Variants in SNX20 observed in about 807,000 individuals in gnomAD.
SNX20 encodes sorting nexin-20.
A neutral mutation model predicts 24.5 loss-of-function variants in SNX20; 21 were observed. That is an observed-to-expected ratio of 0.86 (90% confidence interval 0.61 to 1.23). SNX20 has a LOEUF of 1.23. Ranked by LOEUF, SNX20 falls within the 50% of genes most tolerant of loss-of-function variation. SNX20 has a pLI of 0.00. For missense variants in SNX20, 433 were observed against 430.8 expected, an observed-to-expected ratio of 1.00 and a Z score of -0.04; for synonymous variants, 206 against 192.8, an observed-to-expected ratio of 1.07 and a Z score of -0.57.
At chr16:50,680,935 T>C (rs1401839367) in intron 1 of SNX20, among the ~76,000 whole-genome samples, 1 of 152,166 alleles carries the variant, frequency 6.6e-6, no homozygotes, top group Non-Finnish European at 1.5e-5. Context: ...GAAACACAGG[T>C]GTGGTGACTT....
intron 1 of SNX20, among the ~76,000 whole-genome samples, chr16:50,679,404 C>T (rs78722695): frequency 0.018 from 2,676 of 152,254 alleles, 61 homozygotes; most frequent in East Asian, 0.11. Context: ...CTTGCTGTGT[C>T]GGGTGAAAGG....
rs773425123 is a variant in SNX20 at position 50,673,817 on chromosome 16, G to A, written c.540C>T (p.Phe180=). ...AIRCVRRSRE[F]LDFLTRPELR... is the part of the protein sequence containing the mutation. ...GCTCCGGCCGCGTGAGGAAGTCCAGGAACTCCCGGGAGCGGCGCACGCAGC... is the reference window on the plus strand; with the variant it reads ...GCTCCGGCCGCGTGAGGAAGTCCAGAAACTCCCGGGAGCGGCGCACGCAGC... Residue 180 remains phenylalanine (F), a synonymous_variant, in exon 4 of 4, where the codon TTC becomes TTT. Transcript: ENST00000330943. The surrounding 1 kb of genome is among the most constrained non-coding windows in gnomAD (Gnocchi z 4.1). 2.5e-6 allele frequency: 4 copies of A among 1,595,092 alleles called. No individual in the cohort carries two copies. The highest frequency in any genetic ancestry group is 3.4e-6 in the Non-Finnish European group (4 of 1,175,862).
intron 1 of SNX20, 144 bp from the exon 2 acceptor site, chr16:50,677,679 C>T: frequency 2.2e-6 from 2 of 921,802 alleles, no homozygotes; most frequent in Non-Finnish European, 3.0e-6. Flanking sequence ...TCCCCACTCT[C>T]CCAGCTGCCA....
chr16:50,670,195 G>A (rs1289499951), downstream of SNX20: 1 of 152,348 alleles, frequency 6.6e-6, no homozygotes, highest in Non-Finnish European at 1.5e-5. Flanking sequence ...GCACCTGTAT[G>A]GTAGAGGGCC....
Position 50,673,589 on chromosome 16 carries a change from G to A in SNX20, c.768C>T (p.Arg256=), listed in dbSNP as rs1376000506. 6 of 1,589,128 alleles carry A rather than the reference G, an allele frequency of 3.8e-6. No homozygotes were observed. Among genetic ancestry groups the A allele is most frequent in the African/African-American group, 2.7e-5 (2 of 72,868 alleles). The change falls in exon 4 of 4, where the codon CGC becomes CGT. Residue 256 remains arginine, a synonymous_variant. Coordinates refer to ENST00000330943, the MANE Select transcript of SNX20 (RefSeq NM_182854.4). The surrounding 1 kb of genome is among the most constrained non-coding windows in gnomAD (Gnocchi z 4.1). ...AGCGATGGCCCTCCCGGGCCTGCAG[G>A]CGCTGCAGGGCCCTCTCTCCGGCCG... The part of the protein sequence containing the change: ...AFAAGERALQ[R]LQAREGHRYY...
Position 50,674,039 on chromosome 16 carries a change from A to G in SNX20, c.318T>C (p.Phe106=), listed in dbSNP as rs1340436923. ...GTTCCAGGACGGCCTTGTTGTTGTC[A>G]AAGCTCCCAGTCTGGATGACGATGA... ...YQIIVIQTGS[F]DNNKAVLERR... Residue 106 remains phenylalanine (F), a synonymous_variant, in exon 4 of 4, where the codon TTT becomes TTC. Coordinates refer to ENST00000330943, the MANE Select transcript of SNX20 (RefSeq NM_182854.4). 1.2e-6 allele frequency: 2 copies of G among 1,608,518 alleles called. No homozygotes were observed. The highest frequency in any genetic ancestry group is 4.5e-5 in the East Asian group (2 of 44,374).
chr16:50,675,501 A>G (rs1483047538), intron 3 of SNX20, among the ~76,000 whole-genome samples: 3 of 152,250 alleles, frequency 2.0e-5, no homozygotes, highest in Non-Finnish European at 4.4e-5. Context: ...GAAAGGACAC[A>G]GGTGACTGAC....
Position 50,673,298 on chromosome 16 carries a change from CA to C in SNX20, c.*107del, listed in dbSNP as rs1203809150. 2 of 1,394,344 alleles carry C rather than the reference CA, an allele frequency of 1.4e-6. No homozygotes were observed. The allele number at this position is 1,394,344 out of a possible 1,614,324, so 86.4% of individuals were successfully genotyped here. A position where few individuals can be genotyped will look rare whatever the true frequency, so the allele number is the denominator to read the frequency against. ...TCTGGGTGACAGAGCAAGACTGTCTCAAATAACAAAAAAGAAAAGGAAAAAT... is the reference window on the plus strand; with the variant it reads ...TCTGGGTGACAGAGCAAGACTGTCTCAATAACAAAAAAGAAAAGGAAAAAT... On this transcript the variant is annotated 3_prime_UTR_variant, in exon 4 of 4. Transcript: ENST00000330943. The surrounding 1 kb of genome is among the most constrained non-coding windows in gnomAD (Gnocchi z 4.1).
intron 2 of SNX20, among the ~76,000 whole-genome samples, chr16:50,676,678 C>G (rs746382150): frequency 1.3e-4 from 20 of 152,198 alleles, no homozygotes; most frequent in Non-Finnish European, 2.4e-4. Context: ...CACCTTGTTC[C>G]TACAGGTTTT....
intron 2 of SNX20, among the ~76,000 whole-genome samples, chr16:50,676,592 C>A (rs1453173088): frequency 1.3e-5 from 2 of 152,204 alleles, no homozygotes; most frequent in South Asian, 4.1e-4. Context: ...GGGTCCCAGC[C>A]CTTTTCCAGT....
chr16:50,679,230 T>C (rs1283472457), intron 1 of SNX20, among the ~76,000 whole-genome samples: 1 of 152,166 alleles, frequency 6.6e-6, no homozygotes, highest in Non-Finnish European at 1.5e-5. Context: ...TAGAGAAAGA[T>C]AGAGCCAGTG....
intron 2 of SNX20, among the ~76,000 whole-genome samples, chr16:50,676,537 T>A (rs1452153295): frequency 6.6e-6 from 1 of 152,064 alleles, no homozygotes; most frequent in East Asian, 1.9e-4. Flanking sequence ...CACTCTGAGG[T>A]TCTTAAGAAG....
At chr16:50,680,471 C>T (rs1280242022) in intron 1 of SNX20, among the ~76,000 whole-genome samples, 2 of 152,188 alleles carry the variant, frequency 1.3e-5, no homozygotes, top group African/African-American at 4.8e-5. Context: ...CCTCCTGTCC[C>T]CAGGTGTCCT....
rs754402384 is a variant in SNX20, at chr16:50,674,050, T to C, written c.307A>G (p.Thr103Ala). The C allele has an allele frequency of 1.9e-6, 3 of 1,605,816 alleles. No individual in the cohort carries two copies. Among genetic ancestry groups the C allele is most frequent in the South Asian group, 1.1e-5 (1 of 90,100 alleles). Residue 103 changes from threonine to alanine, a missense_variant, in exon 4 of 4, where the codon ACT (threonine) becomes GCT (alanine). Physicochemically the swap from Thr to Ala is moderately conservative, Grantham distance 58. Coordinates refer to ENST00000330943, the MANE Select transcript of SNX20 (RefSeq NM_182854.4). ...GCCTTGTTGTTGTCAAAGCTCCCAG[T>C]CTGGATGACGATGATTTGGTACACC... ...FVVYQIIVIQ[T>A]GSFDNNKAVL...
downstream of SNX20, chr16:50,668,432 A>G (rs1962965639): frequency 1.3e-6 from 1 of 798,764 alleles, no homozygotes; most frequent in South Asian, 3.4e-5. Context: ...GTGTAATAAC[A>G]GTGATCGGTT....
intron 2 of SNX20, 106 bp from the exon 3 acceptor site, chr16:50,676,027 G>C (rs1963174938): frequency 1.6e-6 from 2 of 1,218,428 alleles, no homozygotes; most frequent in East Asian, 5.2e-5. Flanking sequence ...CAGAACTCCT[G>C]AAGAGTATTG....
chr16:50,673,742 C>T lies in SNX20; in HGVS notation c.615G>A (p.Leu205=), dbSNP rs1963112149. 1 of 1,506,722 alleles carries T rather than the reference C, an allele frequency of 6.6e-7. No individual in the cohort carries two copies. The highest frequency in any genetic ancestry group is 8.8e-7 in the Non-Finnish European group (1 of 1,135,338). 93.3% of individuals were successfully genotyped at this position (1,506,722 alleles called of 1,614,324 possible). Residue 205 remains leucine (L), a synonymous_variant, in exon 4 of 4, where the codon CTG becomes CTA. Transcript: ENST00000330943. The surrounding 1 kb of genome is among the most constrained non-coding windows in gnomAD (Gnocchi z 4.1). ...GCGGCAGCACGCGCAGCAGCAGCTC[C>T]AGGGCGCGCGGGTACTGGCCGGCCC... ...CLRAGQYPRA[L]ELLLRVLPLQ...
At chr16:50,680,383 G>A (rs1009895493) in intron 1 of SNX20, among the ~76,000 whole-genome samples, 2 of 152,266 alleles carry the variant, frequency 1.3e-5, no homozygotes, top group Non-Finnish European at 2.9e-5. Flanking sequence ...CTGGGGGCCT[G>A]TAGTTGGCCC....
chr16:50,669,428 A>G, downstream of SNX20: 1 of 373,796 alleles, frequency 2.7e-6, no homozygotes, highest in Non-Finnish European at 5.0e-6. Context: ...TCTCATGTAA[A>G]CTAACAGAGT....
Sources: allele counts gnomAD v4.1 joint callset (sites outside exome capture counted in the v4.1 genomes callset), GRCh38; gene constraint gnomAD v4.1.1; non-coding constraint Gnocchi (gnomAD v3.1); transcripts MANE v1.5; gene names NCBI Gene and HGNC (gene_info 2026-07-23, HGNC 2026-07-21).